Variants in PXDN observed in about 807,000 individuals in gnomAD.
PXDN encodes the protein peroxidasin homolog.
PXDN carries 77 observed loss-of-function variants against 140.3 expected under a neutral mutation model. The ratio of observed to expected loss-of-function variants is 0.55; its 90% CI spans 0.46 to 0.66. The LOEUF is 0.66. Among genes scored for constraint, PXDN ranks in the 30% least tolerant of loss-of-function variants. PXDN has a pLI of 0.00. For synonymous variants in PXDN, 911 were observed against 857.4 expected (o/e 1.06, Z -1.09); for missense variants, 1,838 against 2,039.5 (o/e 0.90, Z 1.90).
Position 1,644,909 on chromosome 2 carries a change from C to A in PXDN, c.3609-157G>T, listed in dbSNP as rs76569687. ...TATTTACTTCTTTGCTGCATCTCTC[C>A]ACAATGCTTTAAAGGATTTTCCCTA... On this transcript the variant is annotated intron_variant, in intron 17 of 22. Coordinates refer to ENST00000252804, the MANE Select transcript of PXDN (RefSeq NM_012293.3). Among the ~76,000 whole-genome samples the A allele has an allele frequency of 3.3e-5, 5 of 152,236 alleles. No homozygotes were observed. In the East Asian group the frequency reaches 7.7e-4, roughly 23 times the overall value.
chr2:1,727,775 C>T (rs561593730), intron 1 of PXDN, among the ~76,000 whole-genome samples: 47 of 152,292 alleles, frequency 3.1e-4, no homozygotes, highest in Middle Eastern at 3.4e-3. Flanking sequence ...CTCCACGTGG[C>T]GTGTTCTTTC....
At chr2:1,671,515 G>A (rs1323700928) in intron 9 of PXDN, among the ~76,000 whole-genome samples, 13 of 151,990 alleles carry the variant, frequency 8.6e-5, no homozygotes, top group Non-Finnish European at 1.9e-4. Context: ...CTGCCAATAC[G>A]AATCAAGTAG....
At chr2:1,733,131 AAG>A (rs1051833821) in intron 1 of PXDN, among the ~76,000 whole-genome samples, 1 of 152,210 alleles carries the variant, frequency 6.6e-6, no homozygotes, top group African/African-American at 2.4e-5. Context: ...AATCTTCAAA[AAG>A]AGGAGACAAA....
At position 1,645,054 on chromosome 2, in the gene PXDN, A is replaced by T. The variant is rs547132710; in HGVS notation, c.3609-302T>A. Reference sequence around the variant, plus strand: ...CCACACCTTTTCCAACTATTCAGGGATAACCACACGTAACATCATAATGTA... The same window carrying T: ...CCACACCTTTTCCAACTATTCAGGGTTAACCACACGTAACATCATAATGTA... On this transcript the variant is annotated intron_variant, in intron 17 of 22. Coordinates refer to ENST00000252804, the MANE Select transcript of PXDN (RefSeq NM_012293.3). Among the ~76,000 whole-genome samples the T allele has an allele frequency of 3.3e-5, 5 of 152,308 alleles. No homozygotes were observed. The South Asian group carries it at 1.0e-3, about 32-fold the overall frequency.
At chr2:1,707,094 T>C (rs1311200532) in intron 1 of PXDN, among the ~76,000 whole-genome samples, 8 of 72,112 alleles carry the variant, frequency 1.1e-4, no homozygotes, top group African/African-American at 1.9e-4. Context: ...TTATACAATC[T>C]AAGAGCACGC....
At chr2:1,676,782 G>C in intron 8 of PXDN, 145 bp downstream of exon 8, 1 of 826,480 alleles carries the variant, frequency 1.2e-6, no homozygotes, top group Non-Finnish European at 2.0e-6. Flanking sequence ...CGGAAAAGGA[G>C]CAGAAATAGT....
At chr2:1,663,093 T>G (rs2125424969) in intron 12 of PXDN, among the ~76,000 whole-genome samples, 1 of 152,304 alleles carries the variant, frequency 6.6e-6, no homozygotes, top group South Asian at 2.1e-4. Flanking sequence ...GTGGGGATTC[T>G]TCTCATTGGA....
chr2:1,669,437 C>T (rs1683524375), intron 9 of PXDN, among the ~76,000 whole-genome samples: 1 of 152,210 alleles, frequency 6.6e-6, no homozygotes, highest in African/African-American at 2.4e-5. Flanking sequence ...CGTGCACATT[C>T]AGCACATATA....
chr2:1,711,782 C>T (rs1684793430), intron 1 of PXDN, among the ~76,000 whole-genome samples: 1 of 152,214 alleles, frequency 6.6e-6, no homozygotes, highest in Admixed American at 6.5e-5. Context: ...CCCTAAACAG[C>T]CAGCTCCCAC....
intron 9 of PXDN, 108 bp from the exon 10 acceptor site, chr2:1,666,594 C>T: frequency 2.3e-6 from 3 of 1,296,726 alleles, no homozygotes; most frequent in East Asian, 5.1e-5. Context: ...CCGAAATAGG[C>T]AAAACAAACA....
intron 7 of PXDN, 129 bp from the exon 8 acceptor site, chr2:1,677,173 A>G: frequency 1.2e-6 from 1 of 805,182 alleles, no homozygotes; most frequent in South Asian, 1.9e-5. Context: ...TCAGCCACAA[A>G]CATCCCCCAC....
chr2:1,704,671 C>G (rs1471236289), intron 1 of PXDN, among the ~76,000 whole-genome samples: 4 of 125,804 alleles, frequency 3.2e-5, no homozygotes, highest in Non-Finnish European at 6.6e-5. Flanking sequence ...GAAGGGGGGG[C>G]AACTCCAAGA....
chr2:1,656,198 C>T (rs1683130524), intron 14 of PXDN, among the ~76,000 whole-genome samples: 1 of 152,018 alleles, frequency 6.6e-6, no homozygotes, highest in Non-Finnish European at 1.5e-5. Context: ...ACCTTATCTA[C>T]CCCTAAAGTT....
intron 7 of PXDN, among the ~76,000 whole-genome samples, chr2:1,679,830 GTGGA>G (rs1378032919): frequency 1.3e-5 from 2 of 149,464 alleles, no homozygotes; most frequent in South Asian, 2.1e-4. Flanking sequence ...TGGTGTGTGT[GTGGA>G]TGGTGTGTGT....
chr2:1,738,292 A>G (rs1481084724), intron 1 of PXDN, among the ~76,000 whole-genome samples: 2 of 152,210 alleles, frequency 1.3e-5, no homozygotes, highest in African/African-American at 4.8e-5. Context: ...TAAAGACCAG[A>G]GGCCAGCATT....
At chr2:1,708,241 G>C (rs1684667837) in intron 1 of PXDN, among the ~76,000 whole-genome samples, 1 of 152,206 alleles carries the variant, frequency 6.6e-6, no homozygotes, top group Admixed American at 6.5e-5. Flanking sequence ...CCATTGTTCT[G>C]CAATTAGTTA....
At chr2:1,712,685 C>T (rs529017914) in intron 1 of PXDN, among the ~76,000 whole-genome samples, 3 of 152,292 alleles carry the variant, frequency 2.0e-5, no homozygotes, top group Admixed American at 6.5e-5. Context: ...TGAAAACGGT[C>T]GGATGAGACT....
In PXDN at chr2:1,634,236, A is replaced by C. The variant is rs777421994; in HGVS notation, c.4408T>G (p.Cys1470Gly). The C allele has an allele frequency of 1.7e-5, 28 of 1,603,954 alleles. No individual in the cohort carries two copies. In the South Asian group the frequency reaches 3.2e-4, roughly 18 times the overall value. ...VNIPGACCPV[C>G]LQKRAEEKP Reference sequence around the variant, plus strand: ...TTTTCCTCCGCCCTCTTCTGTAAGCAGACTGGACAGCAGGCCCCTGGGATG... The same window carrying C: ...TTTTCCTCCGCCCTCTTCTGTAAGCCGACTGGACAGCAGGCCCCTGGGATG... The change falls in exon 23 of 23, where the codon TGC becomes GGC. Residue 1470 changes from cysteine (C) to glycine (G), a missense_variant. This residue lies in a region of PXDN where 850 missense variants were observed against 894.1 expected (regional missense o/e 0.95). Transcript: ENST00000252804.
chr2:1,680,314 C>T lies in PXDN; in HGVS notation c.609G>A (p.Leu203=), dbSNP rs1683864810. 6.2e-7 allele frequency: 1 copy of T among 1,614,050 alleles called. No individual in the cohort carries two copies. The highest frequency in any genetic ancestry group is 1.3e-5 in the African/African-American group (1 of 75,066). Residue 203 remains leucine (L), a synonymous_variant, in exon 7 of 23, where the codon TTG becomes TTA. Transcript: ENST00000252804. ...TLHCDCEILW[L]ADLLKTYAES... Reference sequence around the variant, plus strand: ...CCGCGTAGGTTTTCAGCAAATCCGCCAACCACAGGATTTCACAGTCGCAGT... The same window carrying T: ...CCGCGTAGGTTTTCAGCAAATCCGCTAACCACAGGATTTCACAGTCGCAGT...
Sources: allele counts gnomAD v4.1 joint callset (sites outside exome capture counted in the v4.1 genomes callset), GRCh38; gene constraint gnomAD v4.1.1; regional missense constraint gnomAD v4.1.1; transcripts MANE v1.5; gene names NCBI Gene and HGNC (gene_info 2026-07-23, HGNC 2026-07-21).